NAALADL2: variants seen among roughly 807,000 people sequenced by gnomAD.
NAALADL2 encodes the protein inactive N-acetylated-alpha-linked acidic dipeptidase-like protein 2.
Under a neutral mutation model 87.2 loss-of-function variants are expected in NAALADL2, and 76 were observed. The observed-to-expected ratio is 0.87, with a 90% CI of 0.72 to 1.05. The LOEUF (loss-of-function observed/expected upper bound fraction) is 1.05, where lower values mean the gene tolerates loss of function less well. Among genes scored for constraint, NAALADL2 ranks in the 50% least tolerant of loss-of-function variants. The probability of loss-of-function intolerance (pLI) is 0.00; values close to 1 mark genes in which losing one functional copy is unlikely to be tolerated. For synonymous variants in NAALADL2, 354 were observed against 331.0 expected (o/e 1.07, Z -0.75); for missense variants, 1,089 against 945.8 (o/e 1.15, Z -1.99).
intron 3 of NAALADL2, among the ~76,000 whole-genome samples, chr3:174,758,787 A>G (rs542516717): frequency 1.3e-5 from 2 of 152,274 alleles, no homozygotes; most frequent in South Asian, 4.1e-4. Flanking sequence ...TTTGTCTAGG[A>G]TGGGATAACA....
At chr3:175,529,708 C>T (rs538334441) in intron 9 of NAALADL2, among the ~76,000 whole-genome samples, 1 of 152,312 alleles carries the variant, frequency 6.6e-6, no homozygotes, top group Admixed American at 6.5e-5. Context: ...CACTGCTGCA[C>T]TTCTTTAGCC....
chr3:175,505,158 G>C (rs1730123848), intron 9 of NAALADL2, among the ~76,000 whole-genome samples: 1 of 151,940 alleles, frequency 6.6e-6, no homozygotes, highest in African/African-American at 2.4e-5. Context: ...AAAGAGCCTT[G>C]GGAGGCTGAG....
At chr3:174,671,964 A>G (rs1256300381) in intron 2 of NAALADL2, among the ~76,000 whole-genome samples, 11 of 73,524 alleles carry the variant, frequency 1.5e-4, no homozygotes, top group Non-Finnish European at 3.4e-4. Flanking sequence ...TGATGATGAC[A>G]GTGGTGATGA....
chr3:174,610,328 AC>A (rs1156537440), intron 2 of NAALADL2, among the ~76,000 whole-genome samples: 3 of 151,890 alleles, frequency 2.0e-5, no homozygotes, highest in African/African-American at 7.2e-5. Flanking sequence ...ATCTAATTAA[AC>A]TAAAGAGCTT....
chr3:175,090,171 C>T (rs1219731745), intron 1 of NAALADL2, among the ~76,000 whole-genome samples: 1 of 151,768 alleles, frequency 6.6e-6, no homozygotes, highest in Non-Finnish European at 1.5e-5. Context: ...AAAAAGGAGC[C>T]CATGGCAGGA....
chr3:174,624,561 T>G (rs981834113), intron 2 of NAALADL2, among the ~76,000 whole-genome samples: 75 of 151,152 alleles, frequency 5.0e-4, no homozygotes, highest in Non-Finnish European at 8.8e-4. Flanking sequence ...GAGGTGGAGG[T>G]TGCAGTGAGC....
intron 1 of NAALADL2, among the ~76,000 whole-genome samples, chr3:174,957,377 C>G (rs1269673684): frequency 6.6e-6 from 1 of 151,972 alleles, no homozygotes; most frequent in Non-Finnish European, 1.5e-5. Context: ...TAGGCCAGGC[C>G]TGAACTACAG....
intron 1 of NAALADL2, among the ~76,000 whole-genome samples, chr3:174,456,411 CAAA>C (rs59833697): frequency 2.7e-4 from 15 of 56,374 alleles, no homozygotes; most frequent in African/African-American, 9.9e-4. Context: ...CAATCCTAAG[CAAA>C]AAAAAAAAAA....
chr3:175,441,414 A>G (rs1179657355), intron 5 of NAALADL2, among the ~76,000 whole-genome samples: 1 of 152,162 alleles, frequency 6.6e-6, no homozygotes, highest in Non-Finnish European at 1.5e-5. Context: ...TGGTATCCAC[A>G]AGGGCTCCCA....
chr3:175,718,059 A>C (rs1054325418), intron 11 of NAALADL2, among the ~76,000 whole-genome samples: 3 of 151,820 alleles, frequency 2.0e-5, no homozygotes, highest in African/African-American at 7.3e-5. Flanking sequence ...CATTTACAGT[A>C]TCTTAAGATA....
intron 1 of NAALADL2, among the ~76,000 whole-genome samples, chr3:174,925,552 G>A (rs557698650): frequency 1.8e-4 from 27 of 152,186 alleles, no homozygotes; most frequent in East Asian, 1.2e-3. Flanking sequence ...TTGGCTATGC[G>A]GGCTCTTTTT....
In NAALADL2 at chr3:175,625,929, A is replaced by G. The variant is rs552563140; in HGVS notation, c.1801-1362A>G. On this transcript the variant is annotated intron_variant, in intron 10 of 13. Transcript: ENST00000454872. ...GGCCATGTATCTTTGAGTGCCAACT[A>G]AAGAGAAGGCATTGATTTTGTTCAT... is the stretch of plus-strand genomic sequence containing the variant. Among the ~76,000 whole-genome samples, 10 of 152,176 alleles carry G rather than the reference A, an allele frequency of 6.6e-5. 1 individual carries two copies. In the East Asian group the frequency reaches 1.2e-3, roughly 18 times the overall value.
At chr3:175,290,229 C>T (rs1755485533) in intron 4 of NAALADL2, among the ~76,000 whole-genome samples, 1 of 152,140 alleles carries the variant, frequency 6.6e-6, no homozygotes, top group African/African-American at 2.4e-5. Flanking sequence ...AACATAGCAG[C>T]TTATTCATAA....
chr3:175,657,157 G>T (rs1392195993), intron 11 of NAALADL2, among the ~76,000 whole-genome samples: 1 of 152,076 alleles, frequency 6.6e-6, no homozygotes, highest in African/African-American at 2.4e-5. Context: ...CAAGAGTCAG[G>T]CTGTCTCTGA....
intron 10 of NAALADL2, among the ~76,000 whole-genome samples, chr3:175,602,416 A>T (rs952835696): frequency 7.9e-5 from 12 of 151,896 alleles, no homozygotes; most frequent in Non-Finnish European, 1.5e-4. Flanking sequence ...TGTAACATGT[A>T]TGTAAACATA....
At chr3:174,997,857 C>G (rs898179751) in intron 1 of NAALADL2, among the ~76,000 whole-genome samples, 4 of 151,726 alleles carry the variant, frequency 2.6e-5, no homozygotes, top group African/African-American at 9.7e-5. Context: ...ACAACAACAA[C>G]AACAACAACA....
At chr3:175,028,809 A>G (rs1018109014) in intron 1 of NAALADL2, among the ~76,000 whole-genome samples, 1 of 151,804 alleles carries the variant, frequency 6.6e-6, no homozygotes, top group Admixed American at 6.6e-5. Context: ...ATAAAAATCA[A>G]TTTTTAATTC....
At chr3:175,280,224 A>C (rs1411626127) in intron 4 of NAALADL2, among the ~76,000 whole-genome samples, 2 of 151,912 alleles carry the variant, frequency 1.3e-5, no homozygotes, top group Non-Finnish European at 2.9e-5. Context: ...TCAATTTTAT[A>C]TCGATTTCCT....
chr3:174,517,652 A>G (rs930295853), intron 1 of NAALADL2, among the ~76,000 whole-genome samples: 1 of 152,008 alleles, frequency 6.6e-6, no homozygotes, highest in Non-Finnish European at 1.5e-5. Flanking sequence ...TGGAGAGAAG[A>G]GATTTGAGTT....
Sources: gnomAD v4.1 joint callset for allele counts (sites outside exome capture counted in the v4.1 genomes callset) on GRCh38, gnomAD v4.1.1 for gene constraint, MANE v1.5 for transcripts, NCBI Gene and HGNC (gene_info 2026-07-23, HGNC 2026-07-21) for gene names.